Variants in RIBC2 observed in about 807,000 individuals in gnomAD.
RIBC2 encodes the protein RIB43A-like with coiled-coils protein 2.
In RIBC2, 40 loss-of-function variants were observed where a neutral mutation model predicts 44.3. The ratio of observed to expected loss-of-function variants is 0.90; its 90% CI spans 0.70 to 1.18. The LOEUF (loss-of-function observed/expected upper bound fraction) is 1.18, where lower values mean the gene tolerates loss of function less well. RIBC2 is among the 50% of genes most tolerant of loss of function. The probability of loss-of-function intolerance (pLI) is 0.00; values close to 1 mark genes in which losing one functional copy is unlikely to be tolerated. For missense variants in RIBC2, 459 were observed against 485.5 expected, an observed-to-expected ratio of 0.95 and a Z score of 0.51; for synonymous variants, 171 against 175.0, an observed-to-expected ratio of 0.98 and a Z score of 0.18.
intron 6 of RIBC2, among the ~76,000 whole-genome samples, chr22:45,431,303 C>T (rs1489428081): frequency 6.6e-6 from 1 of 152,182 alleles, no homozygotes; most frequent in Non-Finnish European, 1.5e-5. Context: ...GGGAAGAGCA[C>T]TGAGTCTGCT....
intron 5 of RIBC2, among the ~76,000 whole-genome samples, chr22:45,427,536 C>T (rs2146888536): frequency 6.6e-6 from 1 of 152,348 alleles, no homozygotes; most frequent in East Asian, 1.9e-4. Flanking sequence ...TTTTCTGCCA[C>T]AATCTCCAAT....
At position 45,429,945 on chromosome 22, in the gene RIBC2, A is replaced by T. The variant is rs577217140; in HGVS notation, c.904-955A>T. Among the ~76,000 whole-genome samples the T allele has an allele frequency of 2.0e-5, 3 of 152,176 alleles. No individual in the cohort carries two copies. In the East Asian group the frequency reaches 5.8e-4, roughly 29 times the overall value. On this transcript the variant is annotated intron_variant, in intron 5 of 6. Transcript: ENST00000614167. ...CTTGGAGGTAACTGGGAAAGTTGAGATCTCACCTCAAACAGCTGGGCTGTC... is the reference window on the plus strand; with the variant it reads ...CTTGGAGGTAACTGGGAAAGTTGAGTTCTCACCTCAAACAGCTGGGCTGTC...
intron 2 of RIBC2, among the ~76,000 whole-genome samples, chr22:45,417,026 C>T (rs1264490058): frequency 1.3e-5 from 2 of 151,758 alleles, no homozygotes; most frequent in Non-Finnish European, 1.5e-5. Flanking sequence ...CTCAGCCTCC[C>T]GAGTAGCTGG....
At chr22:45,430,385 T>C (rs1459954516) in intron 5 of RIBC2, among the ~76,000 whole-genome samples, 2 of 152,124 alleles carry the variant, frequency 1.3e-5, no homozygotes, top group East Asian at 3.9e-4. Context: ...AGCTGAAACA[T>C]AGCAACTCAG....
intron 5 of RIBC2, among the ~76,000 whole-genome samples, chr22:45,428,271 G>A (rs554039463): frequency 1.3e-5 from 2 of 152,340 alleles, no homozygotes; most frequent in South Asian, 2.1e-4. Flanking sequence ...GGCAGGAAAC[G>A]AATGGAGATG....
chr22:45,420,344 G>T (rs577284682), intron 3 of RIBC2, among the ~76,000 whole-genome samples: 39 of 152,260 alleles, frequency 2.6e-4, no homozygotes, highest in African/African-American at 9.1e-4. Flanking sequence ...TATCTTATCA[G>T]TGAGGCTTCC....
intron 2 of RIBC2, among the ~76,000 whole-genome samples, chr22:45,417,143 C>T (rs779587174): frequency 6.6e-6 from 1 of 152,030 alleles, no homozygotes. Context: ...TCAGGTGATC[C>T]GCCCACCTCG....
intron 3 of RIBC2, among the ~76,000 whole-genome samples, chr22:45,419,620 G>A (rs2087458681): frequency 6.6e-6 from 1 of 152,080 alleles, no homozygotes; most frequent in East Asian, 1.9e-4. Flanking sequence ...TGTAGTCCCA[G>A]CTACTCAGGA....
rs1205591459 is a variant in RIBC2 at position 45,417,756 on chromosome 22, C to G, written c.366C>G (p.Ala122=). 1.2e-6 allele frequency: 2 copies of G among 1,614,126 alleles called. No homozygotes were observed. Among genetic ancestry groups the G allele is most frequent in the South Asian group, 1.1e-5 (1 of 91,076 alleles). Residue 122 remains alanine, a synonymous_variant, in exon 3 of 7, where the codon GCC becomes GCG. Transcript: ENST00000614167. ...RREFDLSDPL[A]LKKDLPARQS... ...AATTTGATCTGTCCGACCCCCTAGC[C>G]CTTAAGAAAGATCTTCCAGCCCGGC...
chr22:45,432,506 C>G lies in RIBC2; in HGVS notation c.*144C>G. 1.7e-6 allele frequency: 1 copy of G among 596,180 alleles called. No individual in the cohort carries two copies. The highest frequency in any genetic ancestry group is 3.0e-6 in the Non-Finnish European group (1 of 331,240). 36.9% of individuals were successfully genotyped at this position (596,180 alleles called of 1,614,324 possible). A position where few individuals can be genotyped will look rare whatever the true frequency, so the allele number is the denominator to read the frequency against. ...CACTGTGGACAAAACATTTATCTAA[C>G]CTCTCCCGTGTATTTCTGTGAGGAA... On this transcript the variant is annotated 3_prime_UTR_variant, in exon 7 of 7. Coordinates refer to ENST00000614167, the MANE Select transcript of RIBC2 (RefSeq NM_015653.5).
At chr22:45,420,035 C>T (rs1222877933) in intron 3 of RIBC2, among the ~76,000 whole-genome samples, 9 of 152,150 alleles carry the variant, frequency 5.9e-5, no homozygotes. Context: ...AACAAACAAA[C>T]AAAAAGCATC....
chr22:45,415,038 C>T (rs2087407793), intron 2 of RIBC2, among the ~76,000 whole-genome samples: 1 of 151,498 alleles, frequency 6.6e-6, no homozygotes, highest in African/African-American at 2.4e-5. Flanking sequence ...ATTATTATTC[C>T]ACTTCAAATA....
At chr22:45,414,062 G>C in intron 1 of RIBC2, 47 bp downstream of exon 1, 1 of 1,546,152 alleles carries the variant, frequency 6.5e-7, no homozygotes, top group South Asian at 1.2e-5. Context: ...AGATGCGGGC[G>C]AGGGGCTGCG....
chr22:45,422,871 A>T (rs1602116808), intron 4 of RIBC2, among the ~76,000 whole-genome samples: 1 of 150,730 alleles, frequency 6.6e-6, no homozygotes, highest in Non-Finnish European at 1.5e-5. Flanking sequence ...GCCTCCTGAG[A>T]CCTCCCACCT....
At chr22:45,431,610 C>G (rs769857546) in intron 6 of RIBC2, among the ~76,000 whole-genome samples, 22 of 152,190 alleles carry the variant, frequency 1.4e-4, no homozygotes, top group Non-Finnish European at 2.5e-4. Flanking sequence ...TTTCTCCAAT[C>G]CGATATCTGG....
At chr22:45,421,601 T>TTAA (rs574617902) in intron 3 of RIBC2, among the ~76,000 whole-genome samples, 1 of 144,306 alleles carries the variant, frequency 6.9e-6, no homozygotes, top group East Asian at 2.0e-4. Context: ...AATAGTATTA[T>TTAA]TAATAATAAT....
At chr22:45,422,926 C>T (rs534780538) in intron 4 of RIBC2, among the ~76,000 whole-genome samples, 10 of 152,222 alleles carry the variant, frequency 6.6e-5, no homozygotes, top group African/African-American at 2.2e-4. Context: ...CTCCCCTCCC[C>T]TCCAACCTGA....
At chr22:45,420,514 A>G (rs560898518) in intron 3 of RIBC2, among the ~76,000 whole-genome samples, 2 of 152,158 alleles carry the variant, frequency 1.3e-5, no homozygotes, top group Non-Finnish European at 2.9e-5. Context: ...GCTTTGTTTC[A>G]GCTGTGGACT....
At chr22:45,420,427 C>T (rs890207948) in intron 3 of RIBC2, among the ~76,000 whole-genome samples, 1 of 152,188 alleles carries the variant, frequency 6.6e-6, no homozygotes, top group Admixed American at 6.5e-5. Context: ...TAATTTTTCT[C>T]CATAGCCTTG....
Sources: allele counts gnomAD v4.1 joint callset (sites outside exome capture counted in the v4.1 genomes callset), GRCh38; gene constraint gnomAD v4.1.1; transcripts MANE v1.5; gene names NCBI Gene and HGNC (gene_info 2026-07-23, HGNC 2026-07-21).